The following FMN2 variants were observed in gnomAD, a reference collection of about 807,000 sequenced individuals.
The protein encoded by FMN2 is formin 2, also known as formin-2.
Under a neutral mutation model 142.3 loss-of-function variants are expected in FMN2, and 51 were observed. The ratio of observed to expected loss-of-function variants is 0.36; its 90% CI spans 0.29 to 0.45. The LOEUF is 0.45. Ranked by LOEUF, FMN2 falls within the 20% of genes least tolerant of loss-of-function variation. FMN2 has a pLI of 1.00. For synonymous variants in FMN2, 882 were observed against 869.8 expected, an observed-to-expected ratio of 1.01 and a Z score of -0.25; for missense variants, 1,936 against 2,122.8, an observed-to-expected ratio of 0.91 and a Z score of 1.73.
chr1:240,448,666 CA>C (rs1675905412), intron 16 of FMN2, among the ~76,000 whole-genome samples: 1 of 151,830 alleles, frequency 6.6e-6, no homozygotes. Context: ...AACAAACAAA[CA>C]AAAATTAGCT....
intron 14 of FMN2, among the ~76,000 whole-genome samples, chr1:240,361,231 C>G (rs1377286364): frequency 6.8e-6 from 1 of 147,222 alleles, no homozygotes; most frequent in Non-Finnish European, 1.5e-5. Flanking sequence ...GAAATGGACA[C>G]AAGCAAATTG....
chr1:240,328,290 A>C (rs1402791344), intron 8 of FMN2, among the ~76,000 whole-genome samples: 1 of 151,144 alleles, frequency 6.6e-6, no homozygotes, highest in Non-Finnish European at 1.5e-5. Flanking sequence ...CCATAGTTAA[A>C]TAAATACTTT....
intron 14 of FMN2, among the ~76,000 whole-genome samples, chr1:240,389,140 G>C (rs1314243711): frequency 1.3e-5 from 2 of 152,006 alleles, no homozygotes; most frequent in Admixed American, 1.3e-4. Flanking sequence ...TTTATCTCTT[G>C]TATGCAATTC....
chr1:240,292,658 G>A (rs946490642), intron 7 of FMN2, among the ~76,000 whole-genome samples: 3 of 152,172 alleles, frequency 2.0e-5, no homozygotes, highest in African/African-American at 7.2e-5. Flanking sequence ...AATGGAAGAT[G>A]CTACTAAACG....
intron 6 of FMN2, among the ~76,000 whole-genome samples, chr1:240,212,979 G>A (rs2103406403): frequency 6.6e-6 from 1 of 151,790 alleles, no homozygotes; most frequent in African/African-American, 2.4e-5. Flanking sequence ...TTGTTTTTTT[G>A]GCTAAGGGAA....
chr1:240,140,617 T>C (rs1201639487), intron 2 of FMN2, among the ~76,000 whole-genome samples: 2 of 150,892 alleles, frequency 1.3e-5, no homozygotes, highest in Non-Finnish European at 3.0e-5. Flanking sequence ...TCATGATATT[T>C]ACAGGATTTT....
intron 8 of FMN2, among the ~76,000 whole-genome samples, chr1:240,300,011 T>C (rs1670142442): frequency 6.6e-6 from 1 of 152,314 alleles, no homozygotes; most frequent in Non-Finnish European, 1.5e-5. Context: ...CCCCAAACTT[T>C]ACAGCTATGT....
At chr1:240,168,007 C>T (rs566139276) in intron 2 of FMN2, among the ~76,000 whole-genome samples, 7 of 152,168 alleles carry the variant, frequency 4.6e-5, no homozygotes, top group Middle Eastern at 3.4e-3. Context: ...GCCAAGATTG[C>T]GCCACCGCAC....
At chr1:240,276,886 G>A (rs1669234246) in intron 7 of FMN2, among the ~76,000 whole-genome samples, 1 of 152,124 alleles carries the variant, frequency 6.6e-6, no homozygotes, top group Non-Finnish European at 1.5e-5. Context: ...CTGGAAAGGG[G>A]ACAGAATGCT....
At chr1:240,137,780 C>T (rs1393032066) in intron 2 of FMN2, among the ~76,000 whole-genome samples, 4 of 151,900 alleles carry the variant, frequency 2.6e-5, no homozygotes, top group African/African-American at 7.3e-5. Context: ...GGAGGAGGAA[C>T]AGAAGAGGCG....
chr1:240,108,888 TA>T (rs1661705074), intron 1 of FMN2, among the ~76,000 whole-genome samples: 1 of 151,928 alleles, frequency 6.6e-6, no homozygotes, highest in Non-Finnish European at 1.5e-5. Flanking sequence ...ATACAAAAAT[TA>T]GCCTGGCGTG....
At chr1:240,256,889 T>C (rs1461610548) in intron 6 of FMN2, among the ~76,000 whole-genome samples, 2 of 152,212 alleles carry the variant, frequency 1.3e-5, no homozygotes, top group African/African-American at 2.4e-5. Flanking sequence ...TTAAGAATAT[T>C]GTTTTACTCT....
At chr1:240,197,406 C>A (rs957187415) in intron 4 of FMN2, among the ~76,000 whole-genome samples, 2 of 152,072 alleles carry the variant, frequency 1.3e-5, no homozygotes, top group African/African-American at 4.8e-5. Context: ...ACACATTGAA[C>A]CTGCGGAGGG....
intron 15 of FMN2, among the ~76,000 whole-genome samples, chr1:240,434,055 T>C (rs372667844): frequency 1.3e-5 from 2 of 152,200 alleles, no homozygotes; most frequent in Non-Finnish European, 2.9e-5. Flanking sequence ...ACAAAAGACG[T>C]GTGGTGTTGA....
At chr1:240,302,888 G>T (rs1004876548) in intron 8 of FMN2, among the ~76,000 whole-genome samples, 13 of 151,958 alleles carry the variant, frequency 8.6e-5, no homozygotes, top group Non-Finnish European at 1.6e-4. Flanking sequence ...ACATAAAAAT[G>T]TTAGCTGACA....
Position 240,092,950 on chromosome 1 carries a change from G to T in FMN2, c.841G>T (p.Glu281Ter). 7.0e-7 allele frequency: 1 copy of T among 1,426,600 alleles called. No individual in the cohort carries two copies. The highest frequency in any genetic ancestry group is 9.1e-7 in the Non-Finnish European group (1 of 1,098,396). The allele number at this position is 1,426,600 out of a possible 1,614,324, so 88.4% of individuals were successfully genotyped here. The part of the protein sequence containing the change: ...QALSALSDLP[E>*]SLAAEPREPQ... ...GCTGTCCGCGCTCTCCGACCTGCCCGAGAGCCTGGCCGCCGAGCCCCGGGA... is the reference window on the plus strand; with the variant it reads ...GCTGTCCGCGCTCTCCGACCTGCCCTAGAGCCTGGCCGCCGAGCCCCGGGA... Residue 281 changes from glutamate to a stop codon, truncating the protein, a stop_gained, in exon 1 of 18, where the codon GAG becomes TAG. Coordinates refer to ENST00000319653, the MANE Select transcript of FMN2 (RefSeq NM_020066.5). LOFTEE classifies it high-confidence loss of function.
chr1:240,421,618 G>A (rs753709988), intron 15 of FMN2, among the ~76,000 whole-genome samples: 1 of 152,068 alleles, frequency 6.6e-6, no homozygotes, highest in Admixed American at 6.5e-5. Context: ...TTTGTTTTGT[G>A]GGGGGTGTGG....
chr1:240,273,091 A>G (rs887332371), intron 7 of FMN2, among the ~76,000 whole-genome samples: 1 of 152,170 alleles, frequency 6.6e-6, no homozygotes, highest in Non-Finnish European at 1.5e-5. Flanking sequence ...GGTGGAACTT[A>G]AGAGGAGGGT....
chr1:240,371,149 G>A (rs1489591598), intron 14 of FMN2, among the ~76,000 whole-genome samples: 7 of 151,622 alleles, frequency 4.6e-5, no homozygotes, highest in South Asian at 2.1e-4. Flanking sequence ...TGGTAGAGAC[G>A]AGGTTTCACC....
Sources: gnomAD v4.1 joint callset for allele counts (sites outside exome capture counted in the v4.1 genomes callset) on GRCh38, gnomAD v4.1.1 for gene constraint, MANE v1.5 for transcripts, NCBI Gene and HGNC (gene_info 2026-07-23, HGNC 2026-07-21) for gene names.